PCSK2: variants seen among roughly 807,000 people sequenced by gnomAD.
PCSK2 encodes neuroendocrine convertase 2.
Under a neutral mutation model 69.7 loss-of-function variants are expected in PCSK2, and 14 were observed. The observed-to-expected ratio is 0.20, with a 90% CI of 0.13 to 0.31. PCSK2 has a LOEUF of 0.31. Ranked by LOEUF, PCSK2 falls within the 10% of genes least tolerant of loss-of-function variation. PCSK2 has a pLI of 1.00. For missense variants in PCSK2, 544 were observed against 842.5 expected (o/e 0.65, Z 4.39); for synonymous variants, 307 against 320.7 (o/e 0.96, Z 0.46).
intron 2 of PCSK2, among the ~76,000 whole-genome samples, chr20:17,328,161 G>T (rs1296959055): frequency 1.3e-5 from 2 of 152,152 alleles, no homozygotes; most frequent in Non-Finnish European, 2.9e-5. Flanking sequence ...CCAAACGGTA[G>T]TTACAAAGCA....
intron 2 of PCSK2, among the ~76,000 whole-genome samples, chr20:17,277,063 A>G (rs1224628728): frequency 6.6e-6 from 1 of 152,116 alleles, no homozygotes; most frequent in African/African-American, 2.4e-5. Flanking sequence ...TCAATGAAAT[A>G]AAAGAGGATA....
intron 8 of PCSK2, among the ~76,000 whole-genome samples, chr20:17,449,098 AC>A (rs2032755595): frequency 6.6e-6 from 1 of 151,590 alleles, no homozygotes; most frequent in African/African-American, 2.4e-5. Context: ...CTGGTCTCAA[AC>A]TCTTGGCCTC....
chr20:17,462,960 T>C (rs1211272651), intron 10 of PCSK2, among the ~76,000 whole-genome samples: 1 of 152,206 alleles, frequency 6.6e-6, no homozygotes, highest in African/African-American at 2.4e-5. Flanking sequence ...AGTCTGTCAA[T>C]TCCTAAATCA....
chr20:17,335,634 T>C (rs1990327550), intron 2 of PCSK2, among the ~76,000 whole-genome samples: 1 of 152,000 alleles, frequency 6.6e-6, no homozygotes, highest in Non-Finnish European at 1.5e-5. Flanking sequence ...TAGTCTTTTA[T>C]CCCTTGCCCC....
intron 4 of PCSK2, among the ~76,000 whole-genome samples, chr20:17,364,125 C>G (rs1396350104): frequency 6.7e-6 from 1 of 149,416 alleles, no homozygotes; most frequent in Non-Finnish European, 1.5e-5. Flanking sequence ...TACCCTAAAA[C>G]TTAAAGTATA....
At chr20:17,335,164 T>C (rs548585867) in intron 2 of PCSK2, among the ~76,000 whole-genome samples, 2 of 150,404 alleles carry the variant, frequency 1.3e-5, no homozygotes, top group South Asian at 2.2e-4. Context: ...TGGGATGCCA[T>C]ATACTTGCAG....
At position 17,479,501 on chromosome 20, in the gene PCSK2, C is replaced by T. The variant is rs981305222; in HGVS notation, c.1431-2083C>T. On this transcript the variant is annotated intron_variant, in intron 11 of 11. Coordinates refer to ENST00000262545, the MANE Select transcript of PCSK2 (RefSeq NM_002594.5). ...GTATTTCATACATGGTCTTATTTAA[C>T]CACACAAGAATCATACGGCCGGGCG... The T allele has an allele frequency of 1.9e-4, 82 of 429,686 alleles. 2 individuals are homozygous for T. The highest frequency in any genetic ancestry group is 3.5e-5 in the Non-Finnish European group (8 of 226,900). 26.6% of individuals were successfully genotyped at this position (429,686 alleles called of 1,614,324 possible). A position where few individuals can be genotyped will look rare whatever the true frequency, so the allele number is the denominator to read the frequency against.
At chr20:17,428,771 G>A (rs945749444) in intron 6 of PCSK2, among the ~76,000 whole-genome samples, 1 of 151,902 alleles carries the variant, frequency 6.6e-6, no homozygotes, top group African/African-American at 2.4e-5. Context: ...GGCTTAGATG[G>A]GAAGATCGCT....
chr20:17,362,701 G>A lies in PCSK2; in HGVS notation c.505+2061G>A, dbSNP rs150279359. On this transcript the variant is annotated intron_variant, in intron 4 of 11. Coordinates refer to ENST00000262545, the MANE Select transcript of PCSK2 (RefSeq NM_002594.5). ...AAAGGCTAGACCTGGAATGGGCACC[G>A]GTAACTCTGCCACTTATGTTGGATG... Among the ~76,000 whole-genome samples, 21 of 152,326 alleles carry A rather than the reference G, an allele frequency of 1.4e-4. No individual in the cohort carries two copies. The East Asian group carries it at 1.7e-3, about 13-fold the overall frequency.
At chr20:17,367,464 A>G (rs986557877) in intron 4 of PCSK2, among the ~76,000 whole-genome samples, 4 of 152,262 alleles carry the variant, frequency 2.6e-5, no homozygotes, top group Non-Finnish European at 5.9e-5. Context: ...ACTTGGCTAA[A>G]GCCACACAAG....
chr20:17,260,394 G>A (rs759881717), intron 2 of PCSK2, 50 bp downstream of exon 2: 1 of 1,289,218 alleles, frequency 7.8e-7, no homozygotes, highest in Admixed American at 1.7e-5. Context: ...CCATGGCTGA[G>A]CCCACCAAGG....
chr20:17,400,467 C>G (rs987947222), intron 5 of PCSK2, among the ~76,000 whole-genome samples: 4 of 152,010 alleles, frequency 2.6e-5, no homozygotes, highest in African/African-American at 9.7e-5. Flanking sequence ...AAGGGTATTA[C>G]CCACATAAGG....
At chr20:17,280,484 C>T (rs1988268129) in intron 2 of PCSK2, among the ~76,000 whole-genome samples, 1 of 152,150 alleles carries the variant, frequency 6.6e-6, no homozygotes, top group East Asian at 1.9e-4. Flanking sequence ...TAGACACAGG[C>T]CCTTGTGTTT....
intron 7 of PCSK2, among the ~76,000 whole-genome samples, chr20:17,434,204 TCTCTCC>T (rs1460721407): frequency 3.4e-5 from 5 of 148,142 alleles, no homozygotes; most frequent in African/African-American, 1.3e-4. Flanking sequence ...TCTCTCTCTC[TCTCTCC>T]CAGTCTGTCT....
intron 6 of PCSK2, among the ~76,000 whole-genome samples, chr20:17,414,721 A>G (rs980695995): frequency 1.3e-5 from 2 of 152,238 alleles, no homozygotes. Flanking sequence ...AGCCTGGCAG[A>G]GACACAACAA....
intron 8 of PCSK2, among the ~76,000 whole-genome samples, chr20:17,443,516 G>A (rs2032638327): frequency 6.6e-6 from 1 of 152,178 alleles, no homozygotes; most frequent in African/African-American, 2.4e-5. Context: ...GTGCCCAGGG[G>A]AACAGTTGGC....
At chr20:17,413,519 C>G (rs1186390875) in intron 6 of PCSK2, among the ~76,000 whole-genome samples, 3 of 152,054 alleles carry the variant, frequency 2.0e-5, no homozygotes, top group Non-Finnish European at 4.4e-5. Flanking sequence ...ACAGGAGCAC[C>G]CAGATTCATA....
At chr20:17,226,705 C>T (rs988889381), upstream of PCSK2, among the ~76,000 whole-genome samples, 2 of 151,818 alleles carry the variant, frequency 1.3e-5, no homozygotes, top group Admixed American at 6.6e-5. Context: ...CGCCGCTGGC[C>T]TGATTACAGC....
intron 2 of PCSK2, among the ~76,000 whole-genome samples, chr20:17,286,967 G>T (rs1013702138): frequency 7.2e-5 from 11 of 152,212 alleles, no homozygotes; most frequent in Non-Finnish European, 1.3e-4. Flanking sequence ...TGCAGGGCAG[G>T]CCAGCAGGCT....
Sources: gnomAD v4.1 joint callset for allele counts (sites outside exome capture counted in the v4.1 genomes callset) on GRCh38, gnomAD v4.1.1 for gene constraint, MANE v1.5 for transcripts, NCBI Gene and HGNC (gene_info 2026-07-23, HGNC 2026-07-21) for gene names.